The following NTN1 variants were observed in gnomAD, a reference collection of about 807,000 sequenced individuals.
NTN1 encodes the protein netrin 1, also known as netrin-1.
A neutral mutation model predicts 54.2 loss-of-function variants in NTN1; 11 were observed. That is an observed-to-expected ratio of 0.20 (90% CI 0.13 to 0.34). The LOEUF (loss-of-function observed/expected upper bound fraction) is 0.34, where lower values mean the gene tolerates loss of function less well. NTN1 is among the 10% of genes least tolerant of loss of function. NTN1 has a pLI of 1.00. For synonymous variants in NTN1, 371 were observed against 382.0 expected (o/e 0.97, Z 0.33); for missense variants, 740 against 893.1 (o/e 0.83, Z 2.18).
At chr17:9,011,024 T>A in the NTN1 span, among the ~76,000 whole-genome samples, 1 of 151,940 alleles carries the variant, frequency 6.6e-6, no homozygotes, top group Non-Finnish European at 1.5e-5. Flanking sequence ...TCATCAAGAC[T>A]TAGGGCCTTA....
intron 2 of NTN1, among the ~76,000 whole-genome samples, chr17:9,116,597 C>T (rs898390983): frequency 2.0e-5 from 3 of 152,138 alleles, no homozygotes; most frequent in East Asian, 1.9e-4. Flanking sequence ...CTGCGGAAGA[C>T]GGTGCCTGCC....
chr17:9,077,699 G>A (rs2092055808), intron 2 of NTN1, among the ~76,000 whole-genome samples: 1 of 152,172 alleles, frequency 6.6e-6, no homozygotes, highest in African/African-American at 2.4e-5. Flanking sequence ...CAGGAAAATT[G>A]GAAAGGTGAT....
At chr17:9,016,734 A>ATGTC (rs1435865971), upstream of NTN1, among the ~76,000 whole-genome samples, 11 of 152,116 alleles carry the variant, frequency 7.2e-5, 1 homozygote, top group South Asian at 2.3e-3. Context: ...CCATCATATC[A>ATGTC]GCCACCCACT....
chr17:9,166,340 CTTTTTT>C (rs34345156), intron 3 of NTN1, among the ~76,000 whole-genome samples: 2 of 113,048 alleles, frequency 1.8e-5, no homozygotes, highest in Non-Finnish European at 3.5e-5. Flanking sequence ...CAGGCTCTGG[CTTTTTT>C]TTTTTTTTTT....
chr17:9,108,723 A>G (rs1162666212), intron 2 of NTN1, among the ~76,000 whole-genome samples: 1 of 152,134 alleles, frequency 6.6e-6, no homozygotes, highest in East Asian at 1.9e-4. Context: ...TCCTTCAGGA[A>G]GGTGTCCCAA....
intron 2 of NTN1, among the ~76,000 whole-genome samples, chr17:9,152,076 C>T (rs2092329180): frequency 6.6e-6 from 1 of 152,192 alleles, no homozygotes; most frequent in South Asian, 2.1e-4. Flanking sequence ...AGTGGCAATC[C>T]ACTCGGGTCA....
At chr17:9,150,108 C>CAGG (rs1477753221) in intron 2 of NTN1, among the ~76,000 whole-genome samples, 2 of 152,046 alleles carry the variant, frequency 1.3e-5, no homozygotes, top group African/African-American at 4.8e-5. Flanking sequence ...GAGGCTGAGG[C>CAGG]AGGAGAACCA....
At chr17:9,007,659 T>A in the NTN1 span, among the ~76,000 whole-genome samples, 2 of 147,644 alleles carry the variant, frequency 1.4e-5, no homozygotes, top group African/African-American at 5.0e-5. Flanking sequence ...CTTCCCTCCC[T>A]TCCTTCCTTC....
At chr17:9,184,475 A>T (rs942745082) in intron 5 of NTN1, among the ~76,000 whole-genome samples, 7 of 152,204 alleles carry the variant, frequency 4.6e-5, no homozygotes, top group African/African-American at 1.7e-4. Context: ...AAGGTAGAAG[A>T]CACTTAAATG....
chr17:9,096,490 C>A (rs1050540394), intron 2 of NTN1, among the ~76,000 whole-genome samples: 1 of 151,150 alleles, frequency 6.6e-6, no homozygotes, highest in East Asian at 2.0e-4. Flanking sequence ...CCTGCCTCAG[C>A]CTCCCGAGTA....
chr17:9,082,727 A>G (rs1026340055), intron 2 of NTN1, among the ~76,000 whole-genome samples: 1 of 95,984 alleles, frequency 1.0e-5, no homozygotes, highest in South Asian at 3.3e-4. Context: ...TTTTTTTTTT[A>G]ATTTTGGATG....
chr17:9,005,313 A>G, the NTN1 span, among the ~76,000 whole-genome samples: 1 of 152,174 alleles, frequency 6.6e-6, no homozygotes, highest in African/African-American at 2.4e-5. Flanking sequence ...TGAGGCCTAA[A>G]GTGACTTGCA....
intron 5 of NTN1, among the ~76,000 whole-genome samples, chr17:9,216,413 C>T (rs1162074192): frequency 2.6e-5 from 4 of 152,328 alleles, no homozygotes; most frequent in Admixed American, 2.6e-4. Flanking sequence ...TTTAGTCTGC[C>T]ATGCCCATTT....
chr17:9,056,001 G>C (rs2091978241), intron 2 of NTN1, among the ~76,000 whole-genome samples: 1 of 151,932 alleles, frequency 6.6e-6, no homozygotes. Flanking sequence ...AGACTCAGGT[G>C]ATCCTCCTGC....
intron 3 of NTN1, chr17:9,179,059 C>G (rs1198695774): frequency 6.6e-6 from 1 of 152,272 alleles, no homozygotes; most frequent in Non-Finnish European, 1.5e-5. Flanking sequence ...TAGTTGCTGG[C>G]TTGAGAATCC....
intron 2 of NTN1, among the ~76,000 whole-genome samples, chr17:9,141,135 G>A (rs901044209): frequency 9.2e-5 from 14 of 152,196 alleles, no homozygotes; most frequent in African/African-American, 1.2e-4. Flanking sequence ...GGATAGACAC[G>A]TCAGAAGCTC....
intron 2 of NTN1, among the ~76,000 whole-genome samples, chr17:9,125,981 G>A (rs1458103075): frequency 6.6e-6 from 1 of 152,228 alleles, no homozygotes; most frequent in Non-Finnish European, 1.5e-5. Flanking sequence ...GGGAGCCTGA[G>A]GGACTTGTCA....
intron 2 of NTN1, among the ~76,000 whole-genome samples, chr17:9,037,714 G>A (rs907751445): frequency 6.6e-6 from 1 of 152,144 alleles, no homozygotes; most frequent in Non-Finnish European, 1.5e-5. Context: ...GATGGACAAA[G>A]CTTCTTCGTC....
chr17:9,203,570 G>A (rs1002817880), intron 5 of NTN1, among the ~76,000 whole-genome samples: 10 of 152,096 alleles, frequency 6.6e-5, no homozygotes, highest in East Asian at 3.9e-4. Flanking sequence ...AGGCTGGGGC[G>A]GGCAGATCAC....
Sources: allele counts gnomAD v4.1 joint callset (sites outside exome capture counted in the v4.1 genomes callset), GRCh38; gene constraint gnomAD v4.1.1; transcripts MANE v1.5; gene names NCBI Gene and HGNC (gene_info 2026-07-23, HGNC 2026-07-21).